CUL2: variants seen among roughly 807,000 people sequenced by gnomAD.
CUL2 encodes the protein cullin 2, also known as cullin-2.
CUL2 carries 22 observed loss-of-function variants against 110.2 expected under a neutral mutation model. The ratio of observed to expected loss-of-function variants is 0.20; its 90% confidence interval spans 0.14 to 0.28. The LOEUF (loss-of-function observed/expected upper bound fraction) is 0.28. Among genes scored for constraint, CUL2 ranks in the 10% least tolerant of loss-of-function variants. The pLI is 1.00. For missense variants in CUL2, 631 were observed against 905.5 expected, an observed-to-expected ratio of 0.70 and a Z score of 3.89; for synonymous variants, 279 against 293.2, an observed-to-expected ratio of 0.95 and a Z score of 0.49.
At chr10:35,083,789 G>A (rs1260986929) in intron 1 of CUL2, among the ~76,000 whole-genome samples, 1 of 152,166 alleles carries the variant, frequency 6.6e-6, no homozygotes, top group Non-Finnish European at 1.5e-5. Context: ...GACTGCTTGA[G>A]CCAAGGAGTT....
At chr10:35,090,129 G>A (rs977791282) in intron 1 of CUL2, 50 bp downstream of exon 1, 1 of 152,484 alleles carries the variant, frequency 6.6e-6, no homozygotes, top group African/African-American at 2.4e-5. Context: ...ACCGGGAAGG[G>A]AAGTTTCCCG....
chr10:35,075,187 C>CACCA (rs1176060607), intron 1 of CUL2, among the ~76,000 whole-genome samples: 2 of 152,168 alleles, frequency 1.3e-5, no homozygotes, highest in African/African-American at 4.8e-5. Flanking sequence ...GTGCAAGAAG[C>CACCA]ACCAGCCTCG....
At position 35,073,891 on chromosome 10, in the gene CUL2, C is replaced by A. The variant is rs976961249; in HGVS notation, c.-22-2552G>T. 7.9e-5 allele frequency among the ~76,000 whole-genome samples: 12 copies of A among 152,162 alleles called. 1 individual carries two copies. Among genetic ancestry groups the A allele is most frequent in the Non-Finnish European group, 1.3e-4 (9 of 68,032 alleles). On this transcript the variant is annotated intron_variant, in intron 1 of 20. Coordinates refer to ENST00000374749, the MANE Select transcript of CUL2 (RefSeq NM_003591.4). ...AAAGTGCTAGGGTTACAGGCATGGG[C>A]CACTGCGCCTGACCTGTTCTCCCCA...
intron 6 of CUL2, among the ~76,000 whole-genome samples, chr10:35,045,407 C>T (rs1028522345): frequency 6.6e-6 from 1 of 150,834 alleles, no homozygotes; most frequent in African/African-American, 2.4e-5. Flanking sequence ...GGCAATAGAG[C>T]GAGACCTCAT....
intron 10 of CUL2, among the ~76,000 whole-genome samples, chr10:35,033,598 G>C (rs1343883874): frequency 6.6e-6 from 1 of 151,806 alleles, no homozygotes; most frequent in Non-Finnish European, 1.5e-5. Flanking sequence ...TTAGCCAGAC[G>C]TGGTGGCGTC....
intron 1 of CUL2, among the ~76,000 whole-genome samples, chr10:35,114,032 C>T (rs1351519351): frequency 1.3e-5 from 2 of 151,448 alleles, no homozygotes; most frequent in Admixed American, 1.3e-4. Context: ...CTCAGCCTCC[C>T]GAGTAGCTGG....
chr10:35,079,331 C>T (rs1361778965), intron 1 of CUL2, among the ~76,000 whole-genome samples: 1 of 152,138 alleles, frequency 6.6e-6, no homozygotes, highest in African/African-American at 2.4e-5. Flanking sequence ...ATCGGAAGGT[C>T]GGCATTGGGC....
At chr10:35,099,633 G>A (rs1204381637) in intron 2 of CUL2, 1 of 152,078 alleles carries the variant, frequency 6.6e-6, no homozygotes, top group African/African-American at 2.4e-5. Context: ...AAAATTAGCT[G>A]TGTGTGGTGG....
chr10:35,108,424 T>C (rs1304257166), intron 1 of CUL2, among the ~76,000 whole-genome samples: 2 of 149,040 alleles, frequency 1.3e-5, no homozygotes, highest in African/African-American at 2.5e-5. Context: ...ACCACTATAC[T>C]CTAGCCTGGG....
At chr10:35,061,046 A>G in intron 3 of CUL2, 78 bp from the exon 4 acceptor site, 1 of 1,395,568 alleles carries the variant, frequency 7.2e-7, no homozygotes, top group Non-Finnish European at 9.7e-7. Flanking sequence ...TATCAAAATT[A>G]ATGTTCTAAA....
At chr10:35,022,711 T>C (rs939624456) in intron 17 of CUL2, among the ~76,000 whole-genome samples, 12 of 152,164 alleles carry the variant, frequency 7.9e-5, no homozygotes, top group Non-Finnish European at 1.5e-4. Flanking sequence ...ATCTATCATA[T>C]AGCATGGTGA....
chr10:35,074,010 C>A, intron 1 of CUL2: 1 of 708,814 alleles, frequency 1.4e-6, no homozygotes. Flanking sequence ...CAGACCCGTG[C>A]TGCGGCCGGT....
chr10:35,112,677 GA>G (rs942984623), intron 1 of CUL2, among the ~76,000 whole-genome samples: 1 of 152,002 alleles, frequency 6.6e-6, no homozygotes, highest in Non-Finnish European at 1.5e-5. Flanking sequence ...GGAGTAGACA[GA>G]AAAAAATCCT....
chr10:35,071,153 A>G lies in CUL2; in HGVS notation c.119+46T>C, dbSNP rs779073968. ...TGAACATGTTCTCAGTTTTCAACAA[A>G]TTTATCAATTTTAGAACATTGATCA... On this transcript the variant is annotated intron_variant, in intron 2 of 20. Transcript: ENST00000374749. The G allele has an allele frequency of 6.3e-6, 10 of 1,577,828 alleles. No individual in the cohort carries two copies. The Admixed American group carries it at 9.0e-5, about 14-fold the overall frequency.
chr10:35,044,968 A>G, intron 6 of CUL2, 100 bp from the exon 7 acceptor site: 1 of 760,502 alleles, frequency 1.3e-6, no homozygotes, highest in Non-Finnish European at 2.2e-6. Flanking sequence ...CTATTGGTCT[A>G]ATCAAAGTGT....
rs554676900 is a variant in CUL2 at position 35,031,205 on chromosome 10, T to C, written c.1386+95A>G. On this transcript the variant is annotated intron_variant, in intron 14 of 20. Coordinates refer to ENST00000374749, the MANE Select transcript of CUL2 (RefSeq NM_003591.4). The surrounding 1 kb of genome is among the most constrained non-coding windows in gnomAD (Gnocchi z 4.4). ...ACAAATACACATTTAACCAGATGAA[T>C]TGTTTCCTGTTACTGTACACAATGC... 1.7e-5 allele frequency: 13 copies of C among 754,264 alleles called. No individual in the cohort carries two copies. The highest frequency in any genetic ancestry group is 2.8e-5 in the Non-Finnish European group (13 of 461,974). The allele number at this position is 754,264 out of a possible 1,614,324, so 46.7% of individuals were successfully genotyped here.
At chr10:35,108,986 G>A (rs976645401) in intron 1 of CUL2, among the ~76,000 whole-genome samples, 2 of 152,198 alleles carry the variant, frequency 1.3e-5, no homozygotes, top group Non-Finnish European at 2.9e-5. Context: ...GCCGAAGTGG[G>A]TGGACCACCT....
chr10:35,111,255 GA>G (rs1251972116), intron 1 of CUL2, among the ~76,000 whole-genome samples: 3 of 151,338 alleles, frequency 2.0e-5, no homozygotes, highest in African/African-American at 4.9e-5. Context: ...CTTATGAGAA[GA>G]TTTTTTTTTT....
intron 9 of CUL2, among the ~76,000 whole-genome samples, chr10:35,038,252 G>A (rs548641032): frequency 3.5e-4 from 53 of 151,784 alleles, no homozygotes; most frequent in Non-Finnish European, 6.3e-4. Flanking sequence ...GAGGCCGGGC[G>A]CAGTGGCTCA....
Sources: allele counts gnomAD v4.1 joint callset (sites outside exome capture counted in the v4.1 genomes callset), GRCh38; gene constraint gnomAD v4.1.1; non-coding constraint Gnocchi (gnomAD v3.1); transcripts MANE v1.5; gene names NCBI Gene and HGNC (gene_info 2026-07-23, HGNC 2026-07-21).